The following GRAMD2B variants were observed in gnomAD, a reference collection of about 807,000 sequenced individuals.
GRAMD2B encodes the protein GRAM domain-containing protein 2B.
A neutral mutation model predicts 59.2 loss-of-function variants in GRAMD2B; 41 were observed. The observed-to-expected ratio is 0.69, with a 90% confidence interval of 0.54 to 0.90. The LOEUF (loss-of-function observed/expected upper bound fraction) is 0.90, where lower values mean the gene tolerates loss of function less well. Among genes scored for constraint, GRAMD2B ranks in the 40% least tolerant of loss-of-function variants. The pLI is 0.00. For missense variants in GRAMD2B, 424 were observed against 500.5 expected (o/e 0.85, Z 1.46); for synonymous variants, 161 against 182.7 (o/e 0.88, Z 0.96).
intron 1 of GRAMD2B, among the ~76,000 whole-genome samples, chr5:126,407,949 T>A (rs1367517762): frequency 6.6e-6 from 1 of 152,054 alleles, no homozygotes; most frequent in Non-Finnish European, 1.5e-5. Flanking sequence ...CTTTTTATTT[T>A]TTTTTAATTT....
intron 1 of GRAMD2B, among the ~76,000 whole-genome samples, chr5:126,377,071 A>G (rs565260698): frequency 1.3e-5 from 2 of 150,586 alleles, no homozygotes; most frequent in African/African-American, 4.9e-5. Flanking sequence ...TCTCTTTCCC[A>G]GACTTCACCA....
At chr5:126,489,431 G>T (rs1006755515) in intron 13 of GRAMD2B, among the ~76,000 whole-genome samples, 3 of 152,218 alleles carry the variant, frequency 2.0e-5, no homozygotes, top group African/African-American at 7.2e-5. Context: ...ACGTGAGTCT[G>T]CTGAGAGAGC....
chr5:126,419,852 C>G (rs1399219788), upstream of GRAMD2B, among the ~76,000 whole-genome samples: 5 of 152,060 alleles, frequency 3.3e-5, no homozygotes, highest in South Asian at 4.1e-4. Context: ...GTCAGGAGTT[C>G]GAGACCAGCC....
intron 1 of GRAMD2B, among the ~76,000 whole-genome samples, chr5:126,454,984 T>A (rs1766023317): frequency 6.6e-6 from 1 of 152,218 alleles, no homozygotes; most frequent in Admixed American, 6.5e-5. Context: ...CAAACTACAA[T>A]TTCTCTTGTG....
At chr5:126,441,343 A>C (rs774893663) in intron 1 of GRAMD2B, among the ~76,000 whole-genome samples, 1 of 152,242 alleles carries the variant, frequency 6.6e-6, no homozygotes, top group African/African-American at 2.4e-5. Context: ...ACACAGATGC[A>C]TGTAGGCTCT....
At chr5:126,469,846 T>A in intron 3 of GRAMD2B, 58 bp downstream of exon 3, 1 of 1,268,262 alleles carries the variant, frequency 7.9e-7, no homozygotes, top group Non-Finnish European at 1.1e-6. Context: ...CTGAAGCCAG[T>A]GACAAGAAGG....
chr5:126,483,151 G>A (rs1384578957), intron 8 of GRAMD2B, among the ~76,000 whole-genome samples: 8 of 151,930 alleles, frequency 5.3e-5, no homozygotes, highest in Non-Finnish European at 1.0e-4. Context: ...TTCTCATTAC[G>A]AAGTGCTAAT....
intron 1 of GRAMD2B, among the ~76,000 whole-genome samples, chr5:126,403,736 A>G (rs1372952436): frequency 6.6e-6 from 1 of 151,972 alleles, no homozygotes; most frequent in Admixed American, 6.6e-5. Context: ...AAGGCAACTT[A>G]TATCTCCACA....
chr5:126,374,210 T>C (rs1754996219), intron 1 of GRAMD2B, among the ~76,000 whole-genome samples: 2 of 152,246 alleles, frequency 1.3e-5, no homozygotes. Flanking sequence ...CAGCAGTTAT[T>C]CTGCTGTCTC....
intron 3 of GRAMD2B, among the ~76,000 whole-genome samples, chr5:126,470,755 T>G (rs968366604): frequency 2.6e-5 from 4 of 152,060 alleles, no homozygotes; most frequent in Admixed American, 2.6e-4. Context: ...GACAGGGTGT[T>G]GCCGTGTTAG....
chr5:126,399,845 C>T (rs866205388), intron 1 of GRAMD2B, among the ~76,000 whole-genome samples: 4 of 152,060 alleles, frequency 2.6e-5, no homozygotes, highest in Admixed American at 6.6e-5. Context: ...TAGCCATTCA[C>T]TTTCATGTAT....
intron 1 of GRAMD2B, among the ~76,000 whole-genome samples, chr5:126,387,094 C>G (rs754295787): frequency 9.9e-5 from 15 of 151,832 alleles, no homozygotes; most frequent in Non-Finnish European, 2.1e-4. Flanking sequence ...ATTTTAAGGG[C>G]CAAACTTGAA....
chr5:126,477,428 G>A (rs1770829295), intron 5 of GRAMD2B, among the ~76,000 whole-genome samples: 1 of 152,044 alleles, frequency 6.6e-6, no homozygotes, highest in South Asian at 2.1e-4. Flanking sequence ...CTATTTCCAT[G>A]TCTGAAGATA....
chr5:126,360,552 G>T (rs941728742), intron 1 of GRAMD2B: 23 of 1,236,740 alleles, frequency 1.9e-5, no homozygotes, highest in Non-Finnish European at 4.4e-6. Flanking sequence ...TAAGGACAGA[G>T]TGTCTCCACA....
chr5:126,382,505 C>A (rs1482395136), intron 1 of GRAMD2B, among the ~76,000 whole-genome samples: 1 of 151,994 alleles, frequency 6.6e-6, no homozygotes, highest in African/African-American at 2.4e-5. Flanking sequence ...GTGTATTTTG[C>A]GTTTCTCTAA....
upstream of GRAMD2B, among the ~76,000 whole-genome samples, chr5:126,368,322 C>G (rs1241819314): frequency 1.3e-5 from 2 of 152,216 alleles, no homozygotes; most frequent in Non-Finnish European, 2.9e-5. Context: ...TCAAAGGGCT[C>G]AGGCAGTGGC....
intron 1 of GRAMD2B, among the ~76,000 whole-genome samples, chr5:126,383,860 C>T (rs1755871207): frequency 6.6e-6 from 1 of 152,136 alleles, no homozygotes; most frequent in African/African-American, 2.4e-5. Context: ...ATAAAGATTT[C>T]AGAAGTAGAC....
chr5:126,454,329 G>T (rs931164428), intron 1 of GRAMD2B, among the ~76,000 whole-genome samples: 2 of 152,166 alleles, frequency 1.3e-5, no homozygotes, highest in Non-Finnish European at 1.5e-5. Context: ...CAGAATCTTG[G>T]AGAGGAAGAT....
upstream of GRAMD2B, among the ~76,000 whole-genome samples, chr5:126,370,549 A>G (rs912769962): frequency 1.3e-5 from 2 of 152,248 alleles, no homozygotes; most frequent in African/African-American, 4.8e-5. Context: ...TGTCGCATGA[A>G]GAAACTCATT....
Sources: allele counts gnomAD v4.1 joint callset (sites outside exome capture counted in the v4.1 genomes callset), GRCh38; gene constraint gnomAD v4.1.1; transcripts MANE v1.5; gene names NCBI Gene and HGNC (gene_info 2026-07-23, HGNC 2026-07-21).